Variants in ZNF423 observed in about 807,000 individuals in gnomAD.
ZNF423 encodes zinc finger protein 423.
In ZNF423, 12 loss-of-function variants were observed where a neutral mutation model predicts 95.8. That is an observed-to-expected ratio of 0.13 (90% CI 0.08 to 0.20). The LOEUF (loss-of-function observed/expected upper bound fraction) is 0.20. ZNF423 is among the 10% of genes least tolerant of loss of function. The pLI is 1.00. For missense variants in ZNF423, 1,316 were observed against 1,737.1 expected, an observed-to-expected ratio of 0.76 and a Z score of 4.31; for synonymous variants, 749 against 711.9, an observed-to-expected ratio of 1.05 and a Z score of -0.83.
intron 1 of ZNF423, among the ~76,000 whole-genome samples, chr16:49,791,160 C>T (rs905001429): frequency 2.6e-5 from 4 of 152,188 alleles, no homozygotes; most frequent in Non-Finnish European, 5.9e-5. Context: ...TTTTCCAAGC[C>T]CGCATCCTGA....
At chr16:49,846,139 TA>T (rs2035242949) in intron 1 of ZNF423, among the ~76,000 whole-genome samples, 1 of 151,718 alleles carries the variant, frequency 6.6e-6, no homozygotes, top group South Asian at 2.1e-4. Context: ...CCATCTCTAA[TA>T]AAAACACAAA....
At chr16:49,733,761 G>A (rs2033222908) in intron 2 of ZNF423, among the ~76,000 whole-genome samples, 1 of 152,112 alleles carries the variant, frequency 6.6e-6, no homozygotes. Flanking sequence ...GGGGCCTGAA[G>A]AAGTTTTGGG....
chr16:49,507,346 C>T (rs1161278567), intron 7 of ZNF423, among the ~76,000 whole-genome samples: 1 of 152,040 alleles, frequency 6.6e-6, no homozygotes, highest in African/African-American at 2.4e-5. Context: ...GTTGTCCAGC[C>T]TGGTCTCAAA....
chr16:49,832,980 C>T (rs2035077048), intron 1 of ZNF423, among the ~76,000 whole-genome samples: 1 of 152,260 alleles, frequency 6.6e-6, no homozygotes, highest in Non-Finnish European at 1.5e-5. Context: ...AATCAAAACA[C>T]ATCTGTGAGC....
chr16:49,746,100 G>A (rs2033518319), intron 2 of ZNF423, among the ~76,000 whole-genome samples: 2 of 152,140 alleles, frequency 1.3e-5, no homozygotes, highest in Non-Finnish European at 2.9e-5. Context: ...CCGAGCCTCA[G>A]TTTCCCCACC....
intron 1 of ZNF423, chr16:49,853,766 G>C: frequency 1.0e-6 from 1 of 985,366 alleles, no homozygotes; most frequent in South Asian, 4.7e-5. Context: ...TTAGAACTCG[G>C]TTCAAGCAAC....
chr16:49,653,311 C>CAAAAAAAAAA (rs5816652), intron 3 of ZNF423, among the ~76,000 whole-genome samples: 3 of 99,202 alleles, frequency 3.0e-5, no homozygotes, highest in Non-Finnish European at 5.8e-5. Flanking sequence ...CAAGAACCAC[C>CAAAAAAAAAA]AAAAAAAAAA....
intron 3 of ZNF423, among the ~76,000 whole-genome samples, chr16:49,681,524 C>G (rs752761637): frequency 2.0e-5 from 3 of 152,196 alleles, no homozygotes; most frequent in Non-Finnish European, 4.4e-5. Context: ...GAAGGATGGA[C>G]TGGGAGATTA....
chr16:49,523,794 G>A, intron 6 of ZNF423, 55 bp from the exon 7 acceptor site: 1 of 1,458,864 alleles, frequency 6.9e-7, no homozygotes, highest in Admixed American at 1.7e-5. Context: ...CCAGCCTCCT[G>A]TGGCAGCTGC....
intron 5 of ZNF423, among the ~76,000 whole-genome samples, chr16:49,582,369 C>T (rs1021706204): frequency 6.6e-6 from 1 of 152,244 alleles, no homozygotes; most frequent in African/African-American, 2.4e-5. Flanking sequence ...CCCCAGCATC[C>T]GAGTTGTATC....
Position 49,840,339 on chromosome 16 carries a change from G to C in ZNF423, c.40+15396C>G, listed in dbSNP as rs1326029770. ...CAGAAAACTTTTCTCTTTTTGGGGGGGTGGAACATCAACAAAATCCTGGAA... is the reference window on the plus strand; with the variant it reads ...CAGAAAACTTTTCTCTTTTTGGGGGCGTGGAACATCAACAAAATCCTGGAA... On this transcript the variant is annotated intron_variant, in intron 1 of 7. Coordinates refer to ENST00000563137, the MANE Select transcript of ZNF423 (RefSeq NM_001379286.1). Among the ~76,000 whole-genome samples, 4 of 152,070 alleles carry C rather than the reference G, an allele frequency of 2.6e-5. No homozygotes were observed. The South Asian group carries it at 8.3e-4, about 32-fold the overall frequency.
intron 2 of ZNF423, among the ~76,000 whole-genome samples, chr16:49,765,119 C>T (rs1335394080): frequency 6.6e-6 from 1 of 151,998 alleles, no homozygotes; most frequent in African/African-American, 2.4e-5. Context: ...CACCTCAATC[C>T]CATGTATGCA....
chr16:49,795,470 G>A (rs2034483240), intron 1 of ZNF423, among the ~76,000 whole-genome samples: 1 of 152,228 alleles, frequency 6.6e-6, no homozygotes, highest in African/African-American at 2.4e-5. Flanking sequence ...ACAGAATCCA[G>A]TTACAGAGTG....
chr16:49,784,469 A>C (rs141958247), intron 2 of ZNF423, among the ~76,000 whole-genome samples: 251 of 152,366 alleles, frequency 1.6e-3, no homozygotes, highest in African/African-American at 5.6e-3. Context: ...ATACCCAAAC[A>C]AAATGTGGTC....
intron 2 of ZNF423, among the ~76,000 whole-genome samples, chr16:49,758,601 G>T (rs1370078904): frequency 6.6e-6 from 1 of 152,022 alleles, no homozygotes; most frequent in Non-Finnish European, 1.5e-5. Context: ...AAATATCCAG[G>T]CATGGTGGCA....
intron 7 of ZNF423, among the ~76,000 whole-genome samples, chr16:49,512,000 T>C (rs1967916175): frequency 6.6e-6 from 1 of 152,222 alleles, no homozygotes; most frequent in African/African-American, 2.4e-5. Flanking sequence ...GTATGTAGTA[T>C]GAGTGATATG....
intron 2 of ZNF423, among the ~76,000 whole-genome samples, chr16:49,752,347 C>T (rs141854787): frequency 0.013 from 1,959 of 152,344 alleles, 19 homozygotes; most frequent in Non-Finnish European, 0.021. Context: ...CCCTTCCTGA[C>T]GGTGTCCCAG....
chr16:49,857,128 T>C (rs2035380107), upstream of ZNF423, among the ~76,000 whole-genome samples: 1 of 150,308 alleles, frequency 6.7e-6, no homozygotes, highest in Admixed American at 6.6e-5. This position sits in a 1 kb window ranked among gnomAD's most constrained non-coding sequence, Gnocchi z 6.2. Context: ...TGGCTGGAAA[T>C]GTAGCCGGGT....
intron 5 of ZNF423, among the ~76,000 whole-genome samples, chr16:49,622,736 G>A (rs952324370): frequency 6.6e-6 from 1 of 152,174 alleles, no homozygotes; most frequent in Non-Finnish European, 1.5e-5. Context: ...CATTACTCAG[G>A]CTGGAAGGAC....
Sources: allele counts gnomAD v4.1 joint callset (sites outside exome capture counted in the v4.1 genomes callset), GRCh38; gene constraint gnomAD v4.1.1; non-coding constraint Gnocchi (gnomAD v3.1); transcripts MANE v1.5; gene names NCBI Gene and HGNC (gene_info 2026-07-23, HGNC 2026-07-21).